CHLSN: variants seen among roughly 807,000 people sequenced by gnomAD.
CHLSN encodes protein cholesin.
the CHLSN span, among the ~76,000 whole-genome samples, chr7:1,006,079 C>G: frequency 6.6e-6 from 1 of 152,230 alleles, no homozygotes; most frequent in African/African-American, 2.4e-5. Flanking sequence ...TAATGAGGAA[C>G]AGGCTTGCCC....
the CHLSN span, among the ~76,000 whole-genome samples, chr7:1,116,397 GGAT>G: frequency 4.3e-5 from 6 of 141,136 alleles, no homozygotes; most frequent in South Asian, 2.3e-4. Flanking sequence ...CGCCCACGCA[GGAT>G]GATGACATGA....
chr7:988,770 C>A, the CHLSN span: 1 of 1,597,964 alleles, frequency 6.3e-7, no homozygotes, highest in Non-Finnish European at 8.5e-7. Flanking sequence ...CCCGCCCGGG[C>A]TTTTACCATG....
the CHLSN span, among the ~76,000 whole-genome samples, chr7:1,062,376 C>T: frequency 3.3e-4 from 51 of 152,286 alleles, no homozygotes; most frequent in African/African-American, 1.1e-3. Flanking sequence ...TATTTCCCCT[C>T]GAATTGTACG....
At chr7:994,991 C>T in the CHLSN span, among the ~76,000 whole-genome samples, 2 of 152,238 alleles carry the variant, frequency 1.3e-5, no homozygotes, top group African/African-American at 2.4e-5. Flanking sequence ...GAGCACTTGC[C>T]GAGGGACAGA....
At chr7:1,017,204 G>C in the CHLSN span, among the ~76,000 whole-genome samples, 1 of 151,818 alleles carries the variant, frequency 6.6e-6, no homozygotes, top group East Asian at 1.9e-4. Flanking sequence ...AGTGGTGGCC[G>C]TGCTGCATCA....
the CHLSN span, among the ~76,000 whole-genome samples, chr7:1,126,955 G>A: frequency 1.3e-5 from 2 of 152,000 alleles, no homozygotes; most frequent in Admixed American, 1.3e-4. Flanking sequence ...CCCAACCGAA[G>A]GCCTGCTGCA....
the CHLSN span, among the ~76,000 whole-genome samples, chr7:1,041,302 ACCTGGGGTCCGCGCTGCGGGGAAGGGGG>A: frequency 3.0e-4 from 35 of 115,434 alleles, 2 homozygotes; most frequent in African/African-American, 7.7e-4. Flanking sequence ...GGGGAAGGGG[ACCTGGGGTCCGCGCTGCGGGGAAGGGGG>A]CCTGGGGTCC....
the CHLSN span, among the ~76,000 whole-genome samples, chr7:1,013,848 G>A: frequency 6.6e-6 from 1 of 152,206 alleles, no homozygotes; most frequent in Non-Finnish European, 1.5e-5. Context: ...CTCATATGAA[G>A]TACAGAAAAA....
the CHLSN span, among the ~76,000 whole-genome samples, chr7:1,018,493 G>A: frequency 6.6e-6 from 1 of 151,964 alleles, no homozygotes; most frequent in African/African-American, 2.4e-5. Context: ...CACACCCATG[G>A]CCAGCAGGCC....
At chr7:1,035,104 A>G in the CHLSN span, among the ~76,000 whole-genome samples, 1 of 151,880 alleles carries the variant, frequency 6.6e-6, no homozygotes, top group East Asian at 1.9e-4. Flanking sequence ...GGCTGGTGTC[A>G]TGTCTTTGCT....
chr7:1,092,894 C>T, the CHLSN span: 20 of 1,579,268 alleles, frequency 1.3e-5, no homozygotes, highest in South Asian at 2.2e-5. Flanking sequence ...GGGTGTGACT[C>T]GGGAGCTGCA....
chr7:988,251 T>C, the CHLSN span: 1 of 1,553,378 alleles, frequency 6.4e-7, no homozygotes, highest in Non-Finnish European at 8.7e-7. Context: ...GGGGCCCCTC[T>C]CTCTGTGCCC....
At chr7:984,658 G>A in the CHLSN span, 19 of 1,490,672 alleles carry the variant, frequency 1.3e-5, no homozygotes, top group African/African-American at 2.7e-4. Context: ...AGCAGCGGGA[G>A]AGGCTCCCAG....
At chr7:1,061,436 A>T in the CHLSN span, among the ~76,000 whole-genome samples, 1 of 151,594 alleles carries the variant, frequency 6.6e-6, no homozygotes. Flanking sequence ...CCTCATCCCC[A>T]GGTTCCCGCC....
At chr7:1,077,077 C>G in the CHLSN span, among the ~76,000 whole-genome samples, 2 of 152,264 alleles carry the variant, frequency 1.3e-5, no homozygotes, top group East Asian at 3.8e-4. Context: ...ACGACAGGGT[C>G]CGAGGAAGGC....
chr7:1,036,165 G>A, the CHLSN span, among the ~76,000 whole-genome samples: 46 of 152,354 alleles, frequency 3.0e-4, no homozygotes, highest in African/African-American at 9.1e-4. Context: ...AAGCTGCTGC[G>A]TGTGGTGCTG....
the CHLSN span, among the ~76,000 whole-genome samples, chr7:981,763 T>C: frequency 6.6e-6 from 1 of 151,714 alleles, no homozygotes; most frequent in African/African-American, 2.4e-5. Context: ...TGCAGTGGCT[T>C]ACACCTGCAA....
chr7:1,078,855 G>C, the CHLSN span, among the ~76,000 whole-genome samples: 1 of 152,254 alleles, frequency 6.6e-6, no homozygotes, highest in Non-Finnish European at 1.5e-5. Flanking sequence ...TTTGGCTCTG[G>C]CTGGCCAGGT....
the CHLSN span, among the ~76,000 whole-genome samples, chr7:1,090,812 G>A: frequency 2.1e-4 from 32 of 152,304 alleles, no homozygotes; most frequent in Non-Finnish European, 1.0e-4. Context: ...AAATAAAAAC[G>A]TACATATTAT....
Sources: allele counts gnomAD v4.1 joint callset (sites outside exome capture counted in the v4.1 genomes callset), GRCh38; gene constraint gnomAD v4.1.1; transcripts MANE v1.5; gene names NCBI Gene and HGNC (gene_info 2026-07-23, HGNC 2026-07-21).